SEL1L2: variants seen among roughly 807,000 people sequenced by gnomAD.
SEL1L2 encodes SEL1L2 adaptor subunit of SYVN1 ubiquitin ligase, also known as protein sel-1 homolog 2.
In SEL1L2, 89 loss-of-function variants were observed where a neutral mutation model predicts 98.8. The ratio of observed to expected loss-of-function variants is 0.90; its 90% CI spans 0.76 to 1.07. The LOEUF (loss-of-function observed/expected upper bound fraction) is 1.07, where lower values mean the gene tolerates loss of function less well. SEL1L2 is among the 50% of genes least tolerant of loss of function. SEL1L2 has a pLI of 0.00. For synonymous variants in SEL1L2, 262 were observed against 278.5 expected, an observed-to-expected ratio of 0.94 and a Z score of 0.59; for missense variants, 788 against 812.0, an observed-to-expected ratio of 0.97 and a Z score of 0.36.
intron 1 of SEL1L2, among the ~76,000 whole-genome samples, chr20:13,982,466 G>A (rs180783317): frequency 2.8e-5 from 4 of 142,594 alleles, no homozygotes; most frequent in African/African-American, 7.9e-5. Flanking sequence ...AGTTGTGATC[G>A]TGCCACTGCA....
chr20:13,894,939 C>A (rs1416752431), intron 5 of SEL1L2, among the ~76,000 whole-genome samples: 1 of 152,152 alleles, frequency 6.6e-6, no homozygotes, highest in Admixed American at 6.5e-5. Flanking sequence ...AGAAATCCTT[C>A]ACATTTTCCA....
At chr20:13,919,652 C>T (rs989095364) in intron 3 of SEL1L2, among the ~76,000 whole-genome samples, 2 of 152,176 alleles carry the variant, frequency 1.3e-5, no homozygotes, top group Admixed American at 6.5e-5. Flanking sequence ...GGCGCGGTGA[C>T]TCACGCCTGT....
At chr20:13,857,963 A>G (rs1177347623) in intron 18 of SEL1L2, among the ~76,000 whole-genome samples, 1 of 152,202 alleles carries the variant, frequency 6.6e-6, no homozygotes, top group Non-Finnish European at 1.5e-5. Context: ...AGAATTATCC[A>G]ATTTAGCTAT....
chr20:13,986,156 C>T (rs2263678), intron 1 of SEL1L2, among the ~76,000 whole-genome samples: 6,147 of 152,160 alleles, frequency 0.04, 396 homozygotes, highest in African/African-American at 0.14. Context: ...AGCAATGGAA[C>T]TATTAGATCA....
upstream of SEL1L2, among the ~76,000 whole-genome samples, chr20:13,991,640 C>T (rs1313795297): frequency 1.3e-5 from 2 of 152,162 alleles, no homozygotes; most frequent in Non-Finnish European, 2.9e-5. Flanking sequence ...TATAAAGATA[C>T]TTGTGATTAC....
intron 12 of SEL1L2, among the ~76,000 whole-genome samples, chr20:13,874,361 C>T (rs559954059): frequency 2.6e-4 from 40 of 152,232 alleles, no homozygotes; most frequent in African/African-American, 7.2e-4. Flanking sequence ...AAGTATGTGG[C>T]CATCTCCACC....
intron 5 of SEL1L2, among the ~76,000 whole-genome samples, chr20:13,911,348 T>C (rs772483044): frequency 1.3e-5 from 2 of 152,248 alleles, no homozygotes; most frequent in Non-Finnish European, 2.9e-5. Context: ...ATAAAATTCA[T>C]GTTCACATAG....
chr20:13,905,458 C>T (rs1043990214), intron 5 of SEL1L2, among the ~76,000 whole-genome samples: 3 of 151,912 alleles, frequency 2.0e-5, no homozygotes, highest in Non-Finnish European at 2.9e-5. Flanking sequence ...GTACAGGCAC[C>T]AACCACCATG....
chr20:13,964,935 T>C (rs886777083), intron 1 of SEL1L2, among the ~76,000 whole-genome samples: 1 of 152,200 alleles, frequency 6.6e-6, no homozygotes, highest in Non-Finnish European at 1.5e-5. Context: ...TCTGTGACGT[T>C]ATACTATCTC....
chr20:13,903,602 C>T (rs769406906), intron 5 of SEL1L2, among the ~76,000 whole-genome samples: 33 of 152,124 alleles, frequency 2.2e-4, no homozygotes, highest in Non-Finnish European at 4.4e-4. Context: ...CTCTGGAGGT[C>T]AGGAGTTCGA....
At position 13,915,288 on chromosome 20, in the gene SEL1L2, A is replaced by G. The variant is rs143601339; in HGVS notation, c.387-1344T>C. 5.3e-3 allele frequency: 6,663 copies of G among 1,253,898 alleles called. 24 individuals are homozygous for G. Among genetic ancestry groups the G allele is most frequent in the East Asian group, 8.6e-3 (152 of 17,694 alleles). The allele number at this position is 1,253,898 out of a possible 1,614,324, so 77.7% of individuals were successfully genotyped here. On this transcript the variant is annotated intron_variant, in intron 4 of 19. Coordinates refer to ENST00000284951, the MANE Select transcript of SEL1L2 (RefSeq NM_025229.2). ...GAGTACTCCAGTGGAACAAAAAGAG[A>G]TAGAAAACTGGAGTTCAGGAGATCA...
intron 2 of SEL1L2, among the ~76,000 whole-genome samples, chr20:13,937,907 T>A (rs943127541): frequency 1.3e-5 from 2 of 152,170 alleles, no homozygotes; most frequent in Admixed American, 6.5e-5. Context: ...AGTTTGAATT[T>A]ATCTTGCTAC....
At chr20:13,977,139 T>G (rs1222121525) in intron 1 of SEL1L2, among the ~76,000 whole-genome samples, 2 of 152,196 alleles carry the variant, frequency 1.3e-5, no homozygotes, top group Non-Finnish European at 2.9e-5. Context: ...ACATTGTTCA[T>G]GATCATCATG....
At chr20:13,855,049 CAAAAAAA>C (rs71188190) in intron 18 of SEL1L2, among the ~76,000 whole-genome samples, 2 of 81,118 alleles carry the variant, frequency 2.5e-5, no homozygotes, top group Non-Finnish European at 4.8e-5. Flanking sequence ...GACTCCGTCT[CAAAAAAA>C]AAAAAAAAAA....
intron 1 of SEL1L2, among the ~76,000 whole-genome samples, chr20:13,987,895 T>C (rs1363209599): frequency 6.6e-6 from 1 of 152,234 alleles, no homozygotes; most frequent in Non-Finnish European, 1.5e-5. Context: ...ATCAGATATA[T>C]GAGTCACAAA....
intron 1 of SEL1L2, among the ~76,000 whole-genome samples, chr20:13,990,145 C>T (rs6033864): frequency 0.16 from 23,676 of 152,052 alleles, 1,879 homozygotes; most frequent in East Asian, 0.2. Flanking sequence ...GGAACTAGAC[C>T]TTTATGATAT....
At chr20:13,856,858 T>C (rs140497662) in intron 18 of SEL1L2, among the ~76,000 whole-genome samples, 3,018 of 152,316 alleles carry the variant, frequency 0.02, 48 homozygotes, top group Non-Finnish European at 0.03. Flanking sequence ...TTCTCACTAG[T>C]TTGCATGAGG....
intron 10 of SEL1L2, among the ~76,000 whole-genome samples, chr20:13,879,266 C>G (rs1039188220): frequency 6.6e-6 from 1 of 152,162 alleles, no homozygotes; most frequent in African/African-American, 2.4e-5. Flanking sequence ...TGAAATAGAA[C>G]ATCCAAAAGC....
intron 2 of SEL1L2, among the ~76,000 whole-genome samples, chr20:13,954,211 G>A (rs2050408526): frequency 6.6e-6 from 1 of 152,022 alleles, no homozygotes; most frequent in African/African-American, 2.4e-5. Flanking sequence ...TAATGTAAAT[G>A]GTAATTATTA....
Sources: gnomAD v4.1 joint callset for allele counts (sites outside exome capture counted in the v4.1 genomes callset) on GRCh38, gnomAD v4.1.1 for gene constraint, MANE v1.5 for transcripts, NCBI Gene and HGNC (gene_info 2026-07-23, HGNC 2026-07-21) for gene names.